The following EP400 variants were observed in gnomAD, a reference collection of about 807,000 sequenced individuals.
The protein encoded by EP400 is E1A binding protein p400, also known as E1A-binding protein p400.
A neutral mutation model predicts 354.1 loss-of-function variants in EP400; 105 were observed. The ratio of observed to expected loss-of-function variants is 0.30; its 90% confidence interval spans 0.25 to 0.35. The LOEUF (loss-of-function observed/expected upper bound fraction) is 0.35. Ranked by LOEUF, EP400 falls within the 10% of genes least tolerant of loss-of-function variation. EP400 has a pLI of 1.00. For synonymous variants in EP400, 1,646 were observed against 1,716.9 expected, an observed-to-expected ratio of 0.96 and a Z score of 1.02; for missense variants, 3,280 against 4,121.0, an observed-to-expected ratio of 0.80 and a Z score of 5.59.
intron 15 of EP400, among the ~76,000 whole-genome samples, chr12:132,009,919 C>T (rs1024541902): frequency 2.7e-5 from 4 of 146,842 alleles, no homozygotes; most frequent in African/African-American, 7.7e-5. Context: ...AAAAGATCCT[C>T]CTGCCTTGGC....
In EP400 at chr12:132,017,676, G is replaced by C; in HGVS notation, c.4065G>C (p.Pro1355=). The C allele has an allele frequency of 6.4e-7, 1 of 1,572,934 alleles. No homozygotes were observed. Among genetic ancestry groups the C allele is most frequent in the Non-Finnish European group, 8.6e-7 (1 of 1,158,496 alleles). Residue 1355 remains proline (P), a synonymous_variant, in exon 20 of 53, where the codon CCG becomes CCC. Coordinates refer to ENST00000389561, the MANE Select transcript of EP400 (RefSeq NM_015409.5). The surrounding 1 kb of genome is among the most constrained non-coding windows in gnomAD (Gnocchi z 5.0). The part of the protein sequence containing the change: ...SSYVAGPLEY[P]SASLILKALE... ...ACGTGGCGGGGCCACTGGAGTATCC[G>C]TCCGCATCTCTAATCCTGAAGGCAC...
At chr12:132,012,211 A>G (rs1893790614) in intron 16 of EP400, among the ~76,000 whole-genome samples, 1 of 152,216 alleles carries the variant, frequency 6.6e-6, no homozygotes, top group South Asian at 2.1e-4. Flanking sequence ...GTGAGCTTTC[A>G]GTAGTATTTT....
At chr12:131,972,440 A>G (rs1892322184) in intron 2 of EP400, among the ~76,000 whole-genome samples, 1 of 152,148 alleles carries the variant, frequency 6.6e-6, no homozygotes. Context: ...GGCGTGAGCC[A>G]CCGCACCTGG....
At chr12:132,044,596 G>C in intron 35 of EP400, 75 bp from the exon 36 acceptor site, 1 of 1,551,662 alleles carries the variant, frequency 6.4e-7, no homozygotes, top group Non-Finnish European at 8.9e-7. Flanking sequence ...TAATGAGTAT[G>C]AAGGTACATG....
Position 132,054,460 on chromosome 12 carries a change from G to A in EP400, c.7729-514G>A, listed in dbSNP as rs959792682. Reference sequence around the variant, plus strand: ...CCTACAGGGGAGGGAGGCAGCCAAAGGGATCATTTTAAATGCTGGCGGGAG... The same window carrying A: ...CCTACAGGGGAGGGAGGCAGCCAAAAGGATCATTTTAAATGCTGGCGGGAG... On this transcript the variant is annotated intron_variant, in intron 43 of 52. Transcript: ENST00000389561. The surrounding 1 kb of genome is among the most constrained non-coding windows in gnomAD (Gnocchi z 4.0). Among the ~76,000 whole-genome samples the A allele has an allele frequency of 1.3e-5, 2 of 152,216 alleles. No individual in the cohort carries two copies. The highest frequency in any genetic ancestry group is 2.9e-5 in the Non-Finnish European group (2 of 68,038).
rs373080784 is a variant in EP400, at chr12:132,066,863, G to A, written c.8643G>A (p.Pro2881=). 2.7e-4 allele frequency: 441 copies of A among 1,613,974 alleles called. 1 individual carries two copies. The highest frequency in any genetic ancestry group is 3.4e-4 in the Non-Finnish European group (404 of 1,179,978). ...CCCAGGTGGCCTTGGCGAAGCCTCC[G>A]GTGGTGTCCGTCCCGGCAGCTGTGG... ...QPAQVALAKP[P]VVSVPAAVVS... Residue 2881 remains proline (P), a synonymous_variant, in exon 49 of 53, where the codon CCG becomes CCA. Transcript: ENST00000389561.
chr12:131,972,374 C>A (rs1171371224), intron 2 of EP400, among the ~76,000 whole-genome samples: 1 of 151,938 alleles, frequency 6.6e-6, no homozygotes, highest in Non-Finnish European at 1.5e-5. Context: ...AGGATGGTCT[C>A]GATCTCCTGA....
rs1357407401 is a variant in EP400, at chr12:132,029,672, G to A, written c.5382-29G>A. ...TGGGTGAAGGTGTGTGGCTCCTGGT[G>A]GTGACAAAACATGCTTTCTGCTCCT... On this transcript the variant is annotated intron_variant, in intron 27 of 52. Transcript: ENST00000389561. This position sits in a 1 kb window ranked among gnomAD's most constrained non-coding sequence, Gnocchi z 4.7. 7 of 1,604,926 alleles carry A rather than the reference G, an allele frequency of 4.4e-6. No homozygotes were observed. The highest frequency in any genetic ancestry group is 1.1e-5 in the South Asian group (1 of 90,780).
rs1236541170 is a variant in EP400 at position 131,994,930 on chromosome 12, C to T, written c.2801C>T (p.Thr934Ile). The T allele has an allele frequency of 6.2e-7, 1 of 1,613,964 alleles. No individual in the cohort carries two copies. The highest frequency in any genetic ancestry group is 8.5e-7 in the Non-Finnish European group (1 of 1,179,976). Residue 934 changes from threonine to isoleucine, a missense_variant, in exon 12 of 53, where the codon ACA becomes ATA. This residue lies in a region of EP400 where 800 missense variants were observed against 840.0 expected (regional missense o/e 0.95). Coordinates refer to ENST00000389561, the MANE Select transcript of EP400 (RefSeq NM_015409.5). The surrounding 1 kb of genome is among the most constrained non-coding windows in gnomAD (Gnocchi z 4.6). ...EANEGVVDHQ[T>I]ELSNLAKEAE... The stretch of plus-strand genomic sequence containing the variant: ...AATGAAGGCGTTGTGGACCACCAAA[C>T]AGAACTTTCTAATTTAGCCAAGGAA...
chr12:132,076,406 C>T, intron 51 of EP400, 110 bp from the exon 52 acceptor site: 1 of 1,079,176 alleles, frequency 9.3e-7, no homozygotes, highest in Non-Finnish European at 1.4e-6. Context: ...TTCTGTGTCA[C>T]CTGGTCATTG....
At chr12:131,988,742 G>T (rs534203301) in intron 7 of EP400, among the ~76,000 whole-genome samples, 2 of 152,170 alleles carry the variant, frequency 1.3e-5, no homozygotes, top group African/African-American at 2.4e-5. Context: ...AACAGCCGTG[G>T]CCCTTCTTTA....
intron 6 of EP400, 145 bp from the exon 7 acceptor site, chr12:131,987,560 T>C (rs1892893183): frequency 1.6e-6 from 1 of 635,310 alleles, no homozygotes; most frequent in African/African-American, 1.9e-5. Flanking sequence ...TTACCTTTGA[T>C]ATTAAACTGG....
intron 1 of EP400, among the ~76,000 whole-genome samples, chr12:131,954,994 G>T (rs994920935): frequency 3.3e-5 from 5 of 152,172 alleles, no homozygotes; most frequent in Admixed American, 3.3e-4. Flanking sequence ...CTATACTGCA[G>T]CCTGGGTGAC....
intron 30 of EP400, 57 bp downstream of exon 30, chr12:132,032,206 G>A: frequency 6.5e-7 from 1 of 1,542,580 alleles, no homozygotes; most frequent in Non-Finnish European, 8.8e-7. Context: ...ATATACAGGT[G>A]AGGGCCTGCG....
intron 39 of EP400, among the ~76,000 whole-genome samples, chr12:132,046,938 A>C (rs1317822367): frequency 6.6e-6 from 1 of 152,206 alleles, no homozygotes; most frequent in Non-Finnish European, 1.5e-5. Flanking sequence ...AGCCCATCCA[A>C]ACAGGAGCTG....
In EP400 at chr12:132,021,138, G is replaced by A. The variant is rs768384662; in HGVS notation, c.4507G>A (p.Ala1503Thr). The A allele has an allele frequency of 8.7e-6, 14 of 1,600,116 alleles. No homozygotes were observed. The highest frequency in any genetic ancestry group is 4.4e-5 in the South Asian group (4 of 91,038). The change falls in exon 23 of 53, where the codon GCC (alanine) becomes ACC (threonine). Residue 1503 changes from alanine (A) to threonine (T), a missense_variant. Physicochemically the swap from Ala to Thr is moderately conservative, Grantham distance 58. Around this residue, in one of 20 missense-constraint regions of EP400, gnomAD observed 342 missense variants for 342.7 expected, o/e 1.00. Coordinates refer to ENST00000389561, the MANE Select transcript of EP400 (RefSeq NM_015409.5). ...CGCCAGTGCTCCACGACACCAGCCC[G>A]CCTCGGCCTCCAGCACAGCCGCTAG... Reference protein sequence around the residue: ...ASASAPRHQPASASSTAASPA... With the variant: ...ASASAPRHQPTSASSTAASPA...
chr12:131,956,383 C>T (rs1030024617), intron 1 of EP400, among the ~76,000 whole-genome samples: 13 of 152,120 alleles, frequency 8.5e-5, no homozygotes, highest in African/African-American at 3.1e-4. Context: ...GCTTTTTTCA[C>T]TTAATGTATC....
At position 132,013,282 on chromosome 12, in the gene EP400, C is replaced by A; in HGVS notation, c.3611+104C>A. 1 of 1,458,100 alleles carries A rather than the reference C, an allele frequency of 6.9e-7. No homozygotes were observed. The highest frequency in any genetic ancestry group is 9.1e-7 in the Non-Finnish European group (1 of 1,093,176). The allele number at this position is 1,458,100 out of a possible 1,614,324, so 90.3% of individuals were successfully genotyped here. ...GCAGACACAAACAATGGCCTTTGAG[C>A]TAGAGAATTGCTTTTCATCTTCATC... On this transcript the variant is annotated intron_variant, in intron 17 of 52. Transcript: ENST00000389561. The surrounding 1 kb of genome is among the most constrained non-coding windows in gnomAD (Gnocchi z 4.5).
At chr12:132,076,660 A>G in intron 52 of EP400, 67 bp downstream of exon 52, 1 of 1,417,588 alleles carries the variant, frequency 7.1e-7, no homozygotes, top group Non-Finnish European at 9.7e-7. Flanking sequence ...TTTTCATCTG[A>G]GGTCATGATT....
Sources: allele counts gnomAD v4.1 joint callset (sites outside exome capture counted in the v4.1 genomes callset), GRCh38; gene constraint gnomAD v4.1.1; regional missense constraint gnomAD v4.1.1; non-coding constraint Gnocchi (gnomAD v3.1); transcripts MANE v1.5; gene names NCBI Gene and HGNC (gene_info 2026-07-23, HGNC 2026-07-21).